Variants in KCNJ13 observed in about 807,000 individuals in gnomAD.
KCNJ13 encodes inward rectifier potassium channel 13.
A neutral mutation model predicts 24.6 loss-of-function variants in KCNJ13; 9 were observed. The ratio of observed to expected loss-of-function variants is 0.37; its 90% CI spans 0.22 to 0.64. KCNJ13 has a LOEUF of 0.64. KCNJ13 is among the 30% of genes least tolerant of loss of function. The pLI, the probability that KCNJ13 is intolerant of heterozygous loss-of-function variation, is 0.64. For synonymous variants in KCNJ13, 148 were observed against 154.7 expected, an observed-to-expected ratio of 0.96 and a Z score of 0.32; for missense variants, 337 against 443.8, an observed-to-expected ratio of 0.76 and a Z score of 2.16.
chr2:232,766,936 C>T lies in KCNJ13; in HGVS notation c.*1255G>A, dbSNP rs1698989177. On this transcript the variant is annotated 3_prime_UTR_variant, in exon 3 of 3. Coordinates refer to ENST00000233826, the MANE Select transcript of KCNJ13 (RefSeq NM_002242.4). ...ATCTGTTTGAAACCTGATAGGGTGA[C>T]TTTTTTGGTTTTTGTTTTGTTTTAA... is the stretch of plus-strand genomic sequence containing the variant. The T allele has an allele frequency of 6.6e-6, 1 of 151,942 alleles. No homozygotes were observed. Among genetic ancestry groups the T allele is most frequent in the South Asian group, 2.1e-4 (1 of 4,824 alleles). The allele number at this position is 151,942 out of a possible 1,614,324, so 9.4% of individuals were successfully genotyped here.
chr2:232,766,119 G>A lies in KCNJ13; in HGVS notation c.*2072C>T. 2.6e-6 allele frequency: 1 copy of A among 384,284 alleles called. No homozygotes were observed. The highest frequency in any genetic ancestry group is 2.0e-5 in the South Asian group (1 of 50,772). 23.8% of individuals were successfully genotyped at this position (384,284 alleles called of 1,614,324 possible). A position where few individuals can be genotyped will look rare whatever the true frequency, so the allele number is the denominator to read the frequency against. Reference sequence around the variant, plus strand: ...AAACCTAATCCTTAACCTAGAAACTGTGATTTGAAATAAGTGAAAGAAACA... The same window carrying A: ...AAACCTAATCCTTAACCTAGAAACTATGATTTGAAATAAGTGAAAGAAACA... On this transcript the variant is annotated 3_prime_UTR_variant, in exon 3 of 3. Coordinates refer to ENST00000233826, the MANE Select transcript of KCNJ13 (RefSeq NM_002242.4).
chr2:232,768,405 G>A lies in KCNJ13; in HGVS notation c.869C>T (p.Pro290Leu), dbSNP rs17853727. 2.0e-5 allele frequency: 32 copies of A among 1,613,976 alleles called. No homozygotes were observed. Among genetic ancestry groups the A allele is most frequent in the Non-Finnish European group, 2.5e-5 (30 of 1,179,992 alleles). ...EICQRRTSYL[P>L]SEIMLHHCFA... ...ACAGTGATGTAACATGATTTCAGAC[G>A]GTAGGTAGGATGTCCTCCTTTGGCA... The change falls in exon 3 of 3, where the codon CCG becomes CTG. Residue 290 changes from proline to leucine, a missense_variant. Physicochemically the swap from Pro to Leu is moderately conservative, Grantham distance 98. Transcript: ENST00000233826.
chr2:232,775,516 T>C (rs1699476372), intron 1 of KCNJ13, among the ~76,000 whole-genome samples: 1 of 152,180 alleles, frequency 6.6e-6, no homozygotes, highest in Non-Finnish European at 1.5e-5. Context: ...TTACCTGATA[T>C]TTAAGTCTCA....
chr2:232,774,863 T>G (rs1699445265), intron 1 of KCNJ13, among the ~76,000 whole-genome samples: 1 of 152,210 alleles, frequency 6.6e-6, no homozygotes, highest in African/African-American at 2.4e-5. Flanking sequence ...CTTAGAGCCT[T>G]TCTGTATAGA....
chr2:232,772,363 G>A (rs1699302556), intron 1 of KCNJ13, among the ~76,000 whole-genome samples: 1 of 152,058 alleles, frequency 6.6e-6, no homozygotes, highest in South Asian at 2.1e-4. Flanking sequence ...ATTGTTTCTT[G>A]GCAAAATAAG....
chr2:232,773,680 C>T (rs1699377336), intron 1 of KCNJ13, among the ~76,000 whole-genome samples: 1 of 151,844 alleles, frequency 6.6e-6, no homozygotes, highest in Non-Finnish European at 1.5e-5. Context: ...ATAATATTAG[C>T]TAATATATAT....
At position 232,766,006 on chromosome 2, in the gene KCNJ13, C is replaced by T. The variant is rs1004969203; in HGVS notation, c.*2185G>A. 1.7e-5 allele frequency: 8 copies of T among 470,976 alleles called. No homozygotes were observed. The highest frequency in any genetic ancestry group is 3.1e-5 in the Non-Finnish European group (7 of 227,008). 29.2% of individuals were successfully genotyped at this position (470,976 alleles called of 1,614,324 possible). A position where few individuals can be genotyped will look rare whatever the true frequency, so the allele number is the denominator to read the frequency against. On this transcript the variant is annotated 3_prime_UTR_variant, in exon 3 of 3. Coordinates refer to ENST00000233826, the MANE Select transcript of KCNJ13 (RefSeq NM_002242.4). Reference sequence around the variant, plus strand: ...TTAGTGAGCTGCACATCCAGAAAGGCAGAGCAGCCATTCCTCCCTCCCAGT... The same window carrying T: ...TTAGTGAGCTGCACATCCAGAAAGGTAGAGCAGCCATTCCTCCCTCCCAGT...
At chr2:232,769,359 C>T (rs543732425) in intron 2 of KCNJ13, among the ~76,000 whole-genome samples, 8 of 152,004 alleles carry the variant, frequency 5.3e-5, no homozygotes, top group South Asian at 2.1e-4. Flanking sequence ...CATGAAACCC[C>T]GTCTCTACTA....
chr2:232,768,623 G>C lies in KCNJ13; in HGVS notation c.651C>G (p.Leu217=). The change falls in exon 3 of 3, where the codon CTC becomes CTG. Residue 217 remains leucine (L), a synonymous_variant. Coordinates refer to ENST00000233826, the MANE Select transcript of KCNJ13 (RefSeq NM_002242.4). The part of the protein sequence containing the change: ...VLYQERENGK[L]YQTSVDFHLD... ...GGTGGAAATCCACACTGGTCTGGTA[G>C]AGTTTGCCATTTTCTCTTTCCTGAT... The C allele has an allele frequency of 6.2e-7, 1 of 1,614,130 alleles. No homozygotes were observed. The highest frequency in any genetic ancestry group is 2.2e-5 in the East Asian group (1 of 44,880).
At position 232,765,805 on chromosome 2, in the gene KCNJ13, C is replaced by T. The variant is rs1698933117; in HGVS notation, c.*2386G>A. 2.4e-6 allele frequency: 1 copy of T among 413,092 alleles called. No individual in the cohort carries two copies. Among genetic ancestry groups the T allele is most frequent in the Non-Finnish European group, 5.0e-6 (1 of 201,650 alleles). 25.6% of individuals were successfully genotyped at this position (413,092 alleles called of 1,614,324 possible). On this transcript the variant is annotated 3_prime_UTR_variant, in exon 3 of 3. Transcript: ENST00000233826. ...CTCTTCTGGTACTTGGTAGTATGGG[C>T]TTGTACATATGTAAAACTAGGCCCC...
In KCNJ13 at chr2:232,776,564, C is replaced by T. The variant is rs1417891034; in HGVS notation, c.-136G>A. On this transcript the variant is annotated 5_prime_UTR_variant, in exon 1 of 3. Coordinates refer to ENST00000233826, the MANE Select transcript of KCNJ13 (RefSeq NM_002242.4). ...CTAGTTTGTAGGTTCTCTTCTTGGACTGGTTTTACAGCTTACATTCCTCTG... is the reference window on the plus strand; with the variant it reads ...CTAGTTTGTAGGTTCTCTTCTTGGATTGGTTTTACAGCTTACATTCCTCTG... The T allele has an allele frequency of 2.6e-6, 2 of 783,754 alleles. No homozygotes were observed. Among genetic ancestry groups the T allele is most frequent in the African/African-American group, 1.7e-5 (1 of 58,400 alleles). 48.5% of individuals were successfully genotyped at this position (783,754 alleles called of 1,614,324 possible). A position where few individuals can be genotyped will look rare whatever the true frequency, so the allele number is the denominator to read the frequency against.
In KCNJ13 at chr2:232,770,967, T is replaced by A; in HGVS notation, c.396A>T (p.Pro132=). 1 of 1,614,084 alleles carries A rather than the reference T, an allele frequency of 6.2e-7. No homozygotes were observed. The highest frequency in any genetic ancestry group is 8.5e-7 in the Non-Finnish European group (1 of 1,179,958). ...GTATGGCAAGTAAGGCGATTGCACT[T>A]GGACAGTCACCACTGGGGAACATGG... ...YGTMFPSGDC[P]SAIALLAIQM... is the part of the protein sequence containing the mutation. Residue 132 remains proline (P), a synonymous_variant, in exon 2 of 3, where the codon CCA becomes CCT. Coordinates refer to ENST00000233826, the MANE Select transcript of KCNJ13 (RefSeq NM_002242.4).
Position 232,766,949 on chromosome 2 carries a change from TG to T in KCNJ13, c.*1241del, listed in dbSNP as rs1698990818. ...CTGATAGGGTGACTTTTTTGGTTTT[TG>T]TTTTGTTTTAAGGACAGTTTCTCTT... On this transcript the variant is annotated 3_prime_UTR_variant, in exon 3 of 3. Transcript: ENST00000233826. The T allele has an allele frequency of 6.6e-6, 1 of 152,214 alleles. No individual in the cohort carries two copies. Among genetic ancestry groups the T allele is most frequent in the African/African-American group, 2.4e-5 (1 of 41,462 alleles). The allele number at this position is 152,214 out of a possible 1,614,324, so 9.4% of individuals were successfully genotyped here. A position where few individuals can be genotyped will look rare whatever the true frequency, so the allele number is the denominator to read the frequency against.
chr2:232,771,274 T>G lies in KCNJ13; in HGVS notation c.89A>C (p.Gln30Pro). The G allele has an allele frequency of 6.2e-7, 1 of 1,608,962 alleles. No homozygotes were observed. The highest frequency in any genetic ancestry group is 8.5e-7 in the Non-Finnish European group (1 of 1,176,830). ...AAGACCTCTTTGAGCGCCATCCATT[T>G]GAAGTGTGCTGTGGCCATCCTTGGT... ...MVTKDGHSTL[Q>P]MDGAQRGLAY... The change falls in exon 2 of 3, where the codon CAA (glutamine) becomes CCA (proline). Residue 30 changes from glutamine (Q) to proline (P), a missense_variant. Physicochemically the swap from Gln to Pro is moderately conservative, Grantham distance 76 (BLOSUM62 -1). This residue lies in a region of KCNJ13 where 101 missense variants were observed against 139.2 expected (regional missense o/e 0.73). Transcript: ENST00000233826.
Position 232,773,626 on chromosome 2 carries a change from A to G in KCNJ13, c.-16-2248T>C, listed in dbSNP as rs113182247. ...AAACTGTCTCAAGTATCTGTATTAA[A>G]CCATTGTTAACTTTGTTCATGATTC... On this transcript the variant is annotated intron_variant, in intron 1 of 2. Coordinates refer to ENST00000233826, the MANE Select transcript of KCNJ13 (RefSeq NM_002242.4). Among the ~76,000 whole-genome samples the G allele has an allele frequency of 5.8e-3, 884 of 152,232 alleles. 3 individuals carry two copies. Among genetic ancestry groups the G allele is most frequent in the African/African-American group, 0.02 (843 of 41,548 alleles).
At chr2:232,773,392 A>G (rs1437103688) in intron 1 of KCNJ13, among the ~76,000 whole-genome samples, 3 of 152,228 alleles carry the variant, frequency 2.0e-5, no homozygotes, top group African/African-American at 4.8e-5. Context: ...GACAGATAAA[A>G]GAAATTTACA....
At position 232,768,144 on chromosome 2, in the gene KCNJ13, T is replaced by A; in HGVS notation, c.*47A>T. The A allele has an allele frequency of 6.3e-7, 1 of 1,591,290 alleles. No individual in the cohort carries two copies. Among genetic ancestry groups the A allele is most frequent in the Non-Finnish European group, 8.6e-7 (1 of 1,160,722 alleles). On this transcript the variant is annotated 3_prime_UTR_variant, in exon 3 of 3. Transcript: ENST00000233826. ...TGAGATACAGTAAAGAAAAAGTAGC[T>A]GCATAACTGGCTGGGTGTATTTAAT... is the stretch of plus-strand genomic sequence containing the variant.
At chr2:232,769,251 C>G (rs1455207609) in intron 2 of KCNJ13, among the ~76,000 whole-genome samples, 1 of 152,050 alleles carries the variant, frequency 6.6e-6, no homozygotes, top group African/African-American at 2.4e-5. Context: ...GATATTTTGG[C>G]CAGGCATGGT....
chr2:232,770,861 TG>T lies in KCNJ13; in HGVS notation c.460+41del, dbSNP rs751914348. The T allele has an allele frequency of 4.9e-6, 7 of 1,425,784 alleles. No individual in the cohort carries two copies. The African/African-American group carries it at 9.9e-5, about 20-fold the overall frequency. The allele number at this position is 1,425,784 out of a possible 1,614,324, so 88.3% of individuals were successfully genotyped here. A position where few individuals can be genotyped will look rare whatever the true frequency, so the allele number is the denominator to read the frequency against. The stretch of plus-strand genomic sequence containing the variant: ...AAACACCTGTAGTTTTGTTTTGTTT[TG>T]TTTTTGTTTTTGTTTTTTTTAAGAA... On this transcript the variant is annotated intron_variant, in intron 2 of 2. Coordinates refer to ENST00000233826, the MANE Select transcript of KCNJ13 (RefSeq NM_002242.4).
Sources: allele counts gnomAD v4.1 joint callset (sites outside exome capture counted in the v4.1 genomes callset), GRCh38; gene constraint gnomAD v4.1.1; regional missense constraint gnomAD v4.1.1; transcripts MANE v1.5; gene names NCBI Gene and HGNC (gene_info 2026-07-23, HGNC 2026-07-21).